The following WDR89 variants were observed in gnomAD, a reference collection of about 807,000 sequenced individuals.
WDR89 encodes WD repeat domain 89.
In WDR89, 17 loss-of-function variants were observed where a neutral mutation model predicts 29.1. The ratio of observed to expected loss-of-function variants is 0.58; its 90% CI spans 0.40 to 0.88. The LOEUF (loss-of-function observed/expected upper bound fraction) is 0.88. Ranked by LOEUF, WDR89 falls within the 40% of genes least tolerant of loss-of-function variation. The pLI, the probability that WDR89 is intolerant of heterozygous loss-of-function variation, is 0.00. For synonymous variants in WDR89, 138 were observed against 157.8 expected, an observed-to-expected ratio of 0.87 and a Z score of 0.94; for missense variants, 396 against 456.3, an observed-to-expected ratio of 0.87 and a Z score of 1.20.
chr14:63,601,600 T>C, intron 2 of WDR89: 1 of 1,613,146 alleles, frequency 6.2e-7, no homozygotes, highest in Non-Finnish European at 8.5e-7. Context: ...GGAGGCATTA[T>C]GCTTCCAGAA....
rs147213666 is a variant in WDR89, at chr14:63,613,539, C to T, written c.-32+11389G>A. On this transcript the variant is annotated intron_variant, in intron 2 of 2. Coordinates refer to ENST00000620954, the MANE Select transcript of WDR89 (RefSeq NM_080666.4). The stretch of plus-strand genomic sequence containing the variant: ...TTTTTTTGAGACAAGAGTCTCACTC[C>T]GTTGCCCAGACTGGAGTGCAGTGGC... Among the ~76,000 whole-genome samples, 267 of 149,608 alleles carry T rather than the reference C, an allele frequency of 1.8e-3. 2 individuals are homozygous for T. The highest frequency in any genetic ancestry group is 2.9e-3 in the Non-Finnish European group (195 of 67,690).
At chr14:63,635,604 T>C (rs73263627) in intron 1 of WDR89, among the ~76,000 whole-genome samples, 13,772 of 152,122 alleles carry the variant, frequency 0.091, 1,266 homozygotes, top group African/African-American at 0.23. Context: ...TCCTCCTCAA[T>C]GTACTACTGG....
chr14:63,620,715 T>C (rs941394971), intron 2 of WDR89, among the ~76,000 whole-genome samples: 1 of 151,758 alleles, frequency 6.6e-6, no homozygotes, highest in African/African-American at 2.4e-5. Context: ...TGAAGCCCCA[T>C]CTCTACTAAA....
chr14:63,637,596 A>G (rs991840733), intron 1 of WDR89, among the ~76,000 whole-genome samples: 5 of 152,046 alleles, frequency 3.3e-5, no homozygotes, highest in African/African-American at 4.8e-5. Flanking sequence ...ATATATGTGT[A>G]TATATATAAT....
At position 63,600,718 on chromosome 14, in the gene WDR89, A is replaced by C. The variant is rs10524459; in HGVS notation, c.-31-745T>G. ...AGAATTTAAACATAGATATGTAGGC[A>C]AAAAAAAAAAAAAAAAAAAAAAAAA... On this transcript the variant is annotated intron_variant, in intron 2 of 2. Transcript: ENST00000620954. Among the ~76,000 whole-genome samples, 19 of 31,064 alleles carry C rather than the reference A, an allele frequency of 6.1e-4. No individual in the cohort carries two copies. The East Asian group carries it at 0.011, about 19-fold the overall frequency. 20.4% of individuals were successfully genotyped at this position (31,064 alleles called of 152,430 possible). A position where few individuals can be genotyped will look rare whatever the true frequency, so the allele number is the denominator to read the frequency against.
intron 2 of WDR89, among the ~76,000 whole-genome samples, chr14:63,607,837 C>T (rs1232548989): frequency 4.3e-5 from 6 of 138,762 alleles, no homozygotes; most frequent in Admixed American, 2.2e-4. Flanking sequence ...GCCAAGATGG[C>T]GCCATTACAC....
chr14:63,603,925 G>T lies in WDR89; in HGVS notation c.-31-3952C>A, dbSNP rs1296286085. 2.0e-5 allele frequency among the ~76,000 whole-genome samples: 3 copies of T among 152,134 alleles called. No individual in the cohort carries two copies. In the East Asian group the frequency reaches 5.8e-4, roughly 29 times the overall value. ...GACAAAATAGCCTTACCTTGAACAC[G>T]TCAGGCTTGCTCCTGCCTCAGGACT... On this transcript the variant is annotated intron_variant, in intron 2 of 2. Coordinates refer to ENST00000620954, the MANE Select transcript of WDR89 (RefSeq NM_080666.4).
chr14:63,601,920 C>G (rs1352543511), intron 2 of WDR89: 1 of 467,588 alleles, frequency 2.1e-6, no homozygotes, highest in East Asian at 3.7e-5. Flanking sequence ...TTATAATAAA[C>G]TAAATAACTA....
intron 1 of WDR89, among the ~76,000 whole-genome samples, chr14:63,626,469 G>C (rs1280316915): frequency 6.6e-6 from 1 of 150,998 alleles, no homozygotes; most frequent in East Asian, 2.0e-4. Context: ...ATGAGCTCAA[G>C]AGTTTGAGAC....
chr14:63,639,837 GGTTTGGCACAGTGGCTCGTGT>G (rs1883988910), intron 1 of WDR89, among the ~76,000 whole-genome samples: 1 of 151,966 alleles, frequency 6.6e-6, no homozygotes, highest in Non-Finnish European at 1.5e-5. Flanking sequence ...AAACTTCACG[GGTTTGGCACAGTGGCTCGTGT>G]GTAATCCCTG....
rs1169614028 is a variant in WDR89 at position 63,597,418 on chromosome 14, T to G, written c.*1361A>C. On this transcript the variant is annotated 3_prime_UTR_variant, in exon 3 of 3. Transcript: ENST00000620954. ...CACTGCCCCCATTTCTTTTTTAACTTTTTTCACTTTCTAAAACTGTTAGTC... is the reference window on the plus strand; with the variant it reads ...CACTGCCCCCATTTCTTTTTTAACTGTTTTCACTTTCTAAAACTGTTAGTC... 1 of 152,226 alleles carries G rather than the reference T, an allele frequency of 6.6e-6. No homozygotes were observed. Among genetic ancestry groups the G allele is most frequent in the Non-Finnish European group, 1.5e-5 (1 of 68,046 alleles). The allele number at this position is 152,226 out of a possible 1,614,324, so 9.4% of individuals were successfully genotyped here.
intron 1 of WDR89, among the ~76,000 whole-genome samples, chr14:63,632,397 G>A (rs1883464350): frequency 1.3e-5 from 2 of 151,990 alleles, no homozygotes; most frequent in African/African-American, 4.8e-5. Context: ...TTGGGAGGCT[G>A]AGGTGGATGG....
chr14:63,628,923 T>C (rs551316133), intron 1 of WDR89, among the ~76,000 whole-genome samples: 85 of 151,234 alleles, frequency 5.6e-4, no homozygotes, highest in African/African-American at 2.1e-3. Flanking sequence ...TGGGTGACAA[T>C]GTGAGACCCT....
intron 2 of WDR89, among the ~76,000 whole-genome samples, chr14:63,605,178 A>C (rs1167861799): frequency 3.4e-5 from 5 of 147,232 alleles, no homozygotes; most frequent in South Asian, 4.3e-4. Flanking sequence ...ATATATATAT[A>C]TATACACACA....
At chr14:63,632,115 AAAAC>A (rs745947862) in intron 1 of WDR89, among the ~76,000 whole-genome samples, 6 of 151,586 alleles carry the variant, frequency 4.0e-5, no homozygotes, top group Non-Finnish European at 5.9e-5. Flanking sequence ...CTGCCTCAAA[AAAAC>A]AAACAAACAA....
chr14:63,613,788 C>A (rs548293020), intron 2 of WDR89, among the ~76,000 whole-genome samples: 1 of 150,340 alleles, frequency 6.7e-6, no homozygotes, highest in Non-Finnish European at 1.5e-5. Flanking sequence ...GTGTGAGCCA[C>A]TGCACTCGGC....
intron 2 of WDR89, among the ~76,000 whole-genome samples, chr14:63,616,090 T>C (rs1420416597): frequency 1.3e-5 from 2 of 152,016 alleles, no homozygotes; most frequent in African/African-American, 4.8e-5. Context: ...AAAATTTAGC[T>C]AATTTTTGTA....
chr14:63,602,978 G>A (rs1001642581), intron 2 of WDR89, among the ~76,000 whole-genome samples: 1 of 151,796 alleles, frequency 6.6e-6, no homozygotes, highest in Non-Finnish European at 1.5e-5. Flanking sequence ...GGATGGTCTC[G>A]ACCTCCTGAC....
intron 2 of WDR89, among the ~76,000 whole-genome samples, chr14:63,622,711 G>T (rs1195007689): frequency 7.2e-5 from 11 of 151,802 alleles, no homozygotes; most frequent in Admixed American, 7.2e-4. Context: ...AGGCTGCAGT[G>T]AGCTGAGATT....
Sources: allele counts gnomAD v4.1 joint callset (sites outside exome capture counted in the v4.1 genomes callset), GRCh38; gene constraint gnomAD v4.1.1; transcripts MANE v1.5; gene names NCBI Gene and HGNC (gene_info 2026-07-23, HGNC 2026-07-21).